CCT8: variants seen among roughly 807,000 people sequenced by gnomAD.
The protein encoded by CCT8 is T-complex protein 1 subunit theta.
A neutral mutation model predicts 65.7 loss-of-function variants in CCT8; 10 were observed. The ratio of observed to expected loss-of-function variants is 0.15; its 90% CI spans 0.09 to 0.26. The LOEUF is 0.26. Ranked by LOEUF, CCT8 falls within the 10% of genes least tolerant of loss-of-function variation. CCT8 has a pLI of 1.00. For missense variants in CCT8, 568 were observed against 669.1 expected (o/e 0.85, Z 1.67); for synonymous variants, 199 against 221.8 (o/e 0.90, Z 0.92).
chr21:29,065,034 T>A lies in CCT8; in HGVS notation c.696A>T (p.Thr232=). 1 of 1,613,828 alleles carries A rather than the reference T, an allele frequency of 6.2e-7. No homozygotes were observed. The highest frequency in any genetic ancestry group is 8.5e-7 in the Non-Finnish European group (1 of 1,179,744). The part of the protein sequence containing the change: ...VFKKETEGDV[T]SVKDAKIAVY... ...CTGCTATTTTTGCATCTTTGACAGA[T>A]GTTACATCACCTTCGGTTTCCTTCT... The change falls in exon 7 of 15, where the codon ACA becomes ACT. Residue 232 remains threonine (T), a synonymous_variant. Transcript: ENST00000286788.
intron 2 of CCT8, 143 bp downstream of exon 2, chr21:29,070,104 C>G (rs1313942992): frequency 8.4e-6 from 4 of 478,238 alleles, no homozygotes; most frequent in Non-Finnish European, 1.5e-5. Flanking sequence ...TTAGAAATAA[C>G]TAAAAATTGG....
In CCT8 at chr21:29,056,376, C is replaced by G; in HGVS notation, c.*99G>C. The G allele has an allele frequency of 1.7e-6, 1 of 598,094 alleles. No homozygotes were observed. The highest frequency in any genetic ancestry group is 2.7e-6 in the Non-Finnish European group (1 of 372,738). The allele number at this position is 598,094 out of a possible 1,614,324, so 37.0% of individuals were successfully genotyped here. On this transcript the variant is annotated 3_prime_UTR_variant, in exon 15 of 15. Coordinates refer to ENST00000286788, the MANE Select transcript of CCT8 (RefSeq NM_006585.4). The stretch of plus-strand genomic sequence containing the variant: ...TAACATCCAGCCAAGAATACAAACA[C>G]AAAATAACTCTTAATTTAAGGAGAA...
In CCT8 at chr21:29,063,152, G is replaced by A. The variant is rs577689730; in HGVS notation, c.941+200C>T. On this transcript the variant is annotated intron_variant, in intron 8 of 14. Transcript: ENST00000286788. ...TCCCTCTTCAATTATCTGGTAATTG[G>A]TTCTTCAAGCTCTCAGCTTAAATTT... is the stretch of plus-strand genomic sequence containing the variant. 2.6e-5 allele frequency among the ~76,000 whole-genome samples: 4 copies of A among 152,218 alleles called. No individual in the cohort carries two copies. In the East Asian group the frequency reaches 7.7e-4, roughly 29 times the overall value.
chr21:29,073,523 G>C lies in CCT8; in HGVS notation c.60+8C>G, dbSNP rs1410368206. On this transcript the variant is annotated splice_region_variant and intron_variant, in intron 1 of 14. Coordinates refer to ENST00000286788, the MANE Select transcript of CCT8 (RefSeq NM_006585.4). ...GCTCCCACCTCATTCCTTTCCTTCA[G>C]CCCTTACTTTCGCTCCCTCCTTGAG... 5 of 1,614,078 alleles carry C rather than the reference G, an allele frequency of 3.1e-6. No individual in the cohort carries two copies. The highest frequency in any genetic ancestry group is 4.2e-6 in the Non-Finnish European group (5 of 1,179,960).
At chr21:29,068,795 T>C (rs531810418) in intron 3 of CCT8, among the ~76,000 whole-genome samples, 102 of 152,270 alleles carry the variant, frequency 6.7e-4, no homozygotes, top group African/African-American at 2.4e-3. Context: ...GTTAGAAAAA[T>C]GTTGATTCTT....
intron 2 of CCT8, among the ~76,000 whole-genome samples, chr21:29,069,807 T>C (rs192856362): frequency 9.2e-5 from 14 of 152,336 alleles, no homozygotes; most frequent in African/African-American, 2.6e-4. Flanking sequence ...CAGCAAGTGC[T>C]CAACAGAAAT....
At chr21:29,057,744 CATGT>C (rs1021136330) in intron 14 of CCT8, among the ~76,000 whole-genome samples, 6 of 84,214 alleles carry the variant, frequency 7.1e-5, no homozygotes, top group African/African-American at 1.9e-4. Context: ...ATATATATAT[CATGT>C]ATATGTATGA....
chr21:29,067,524 TTAG>T (rs1568914419), intron 4 of CCT8, 29 bp downstream of exon 4: 1 of 1,426,204 alleles, frequency 7.0e-7, no homozygotes, highest in Non-Finnish European at 9.2e-7. Context: ...AAGCAAAAAT[TTAG>T]TAGGAGTAAA....
chr21:29,069,334 A>C, intron 3 of CCT8, 89 bp downstream of exon 3: 1 of 684,524 alleles, frequency 1.5e-6, no homozygotes, highest in Non-Finnish European at 2.5e-6. Context: ...TCCCTTATCC[A>C]ATCTGAAATA....
intron 1 of CCT8, chr21:29,072,237 T>C (rs903806136): frequency 1.9e-5 from 7 of 360,984 alleles, no homozygotes; most frequent in Non-Finnish European, 3.0e-5. Flanking sequence ...TCTACTATAG[T>C]GCAGTTTCTT....
intron 8 of CCT8, chr21:29,062,913 CAATCAATGTTCTGTG>C: frequency 2.9e-6 from 1 of 341,184 alleles, no homozygotes; most frequent in Non-Finnish European, 5.4e-6. Flanking sequence ...TTACTTTGTG[CAATCAATGTTCTGTG>C]AACAAGAGTG....
At chr21:29,066,689 T>C (rs753033621) in intron 6 of CCT8, 27 bp downstream of exon 6, 1 of 1,479,854 alleles carries the variant, frequency 6.8e-7, no homozygotes, top group Non-Finnish European at 9.3e-7. Context: ...GACCTAGATA[T>C]GTAGCATTAA....
At chr21:29,061,207 G>A (rs1231293618) in intron 13 of CCT8, 46 bp downstream of exon 13, 1 of 1,409,952 alleles carries the variant, frequency 7.1e-7, no homozygotes, top group East Asian at 2.3e-5. Flanking sequence ...TTTAGGTTGT[G>A]CATTCCCCAA....
At chr21:29,057,762 GAGAT>G (rs917326037) in intron 14 of CCT8, among the ~76,000 whole-genome samples, 5 of 95,810 alleles carry the variant, frequency 5.2e-5, no homozygotes, top group African/African-American at 1.7e-4. Flanking sequence ...TGTATGATAT[GAGAT>G]ATATATGATA....
chr21:29,065,157 G>A (rs367740639), intron 6 of CCT8, 52 bp from the exon 7 acceptor site: 32 of 1,576,698 alleles, frequency 2.0e-5, no homozygotes, highest in African/African-American at 1.1e-4. Context: ...ATAACATTAC[G>A]GTCAAACTGT....
intron 4 of CCT8, 25 bp downstream of exon 4, chr21:29,067,531 G>A (rs1372400901): frequency 1.4e-6 from 2 of 1,428,866 alleles, no homozygotes; most frequent in Non-Finnish European, 1.8e-6. Flanking sequence ...AATTTAGTAG[G>A]AGTAAATTAT....
chr21:29,060,739 G>C, intron 13 of CCT8, 79 bp from the exon 14 acceptor site: 9 of 1,460,614 alleles, frequency 6.2e-6, no homozygotes, highest in Non-Finnish European at 6.6e-6. Context: ...GCCTCACATA[G>C]CTCCTTAAAT....
chr21:29,066,925 T>C lies in CCT8; in HGVS notation c.528A>G (p.Glu176=), dbSNP rs776896116. ...GAGCAATAAGCTTGGCCAGAAATACTTCATTACCATATTGTTTACTCATTA... is the reference window on the plus strand; with the variant it reads ...GAGCAATAAGCTTGGCCAGAAATACCTCATTACCATATTGTTTACTCATTA... The part of the protein sequence containing the change: ...TSIMSKQYGN[E]VFLAKLIAQA... Residue 176 remains glutamate, a synonymous_variant, in exon 5 of 15, where the codon GAA becomes GAG. Transcript: ENST00000286788. 91 of 1,611,212 alleles carry C rather than the reference T, an allele frequency of 5.6e-5. No homozygotes were observed. In the Admixed American group the frequency reaches 1.5e-3, roughly 26 times the overall value.
In CCT8 at chr21:29,062,324, A is replaced by G. The variant is rs537872864; in HGVS notation, c.1096+4T>C. 1.2e-6 allele frequency: 2 copies of G among 1,611,344 alleles called. No homozygotes were observed. The highest frequency in any genetic ancestry group is 1.7e-4 in the Middle Eastern group (1 of 6,058). On this transcript the variant is annotated splice_donor_region_variant and intron_variant, in intron 10 of 14. Transcript: ENST00000286788. ...CTTAAACATGTTTTACCATTCCTAC[A>G]TACCATGCTTAAAAACCACCACCTG...
Sources: allele counts gnomAD v4.1 joint callset (sites outside exome capture counted in the v4.1 genomes callset), GRCh38; gene constraint gnomAD v4.1.1; transcripts MANE v1.5; gene names NCBI Gene and HGNC (gene_info 2026-07-23, HGNC 2026-07-21).